ASH2L: variants seen among roughly 807,000 people sequenced by gnomAD.
The protein encoded by ASH2L is ASH2 like, histone lysine methyltransferase complex subunit, also known as set1/Ash2 histone methyltransferase complex subunit ASH2.
Under a neutral mutation model 81.1 loss-of-function variants are expected in ASH2L, and 30 were observed. The observed-to-expected ratio is 0.37, with a 90% CI of 0.28 to 0.50. ASH2L has a LOEUF of 0.50. Ranked by LOEUF, ASH2L falls within the 20% of genes least tolerant of loss-of-function variation. The pLI is 0.95. For synonymous variants in ASH2L, 273 were observed against 279.9 expected (o/e 0.98, Z 0.24); for missense variants, 559 against 792.1 (o/e 0.71, Z 3.53).
chr8:38,122,120 A>T (rs1297937342), intron 10 of ASH2L, among the ~76,000 whole-genome samples: 1 of 152,106 alleles, frequency 6.6e-6, no homozygotes. Flanking sequence ...ACTTTATTTC[A>T]GGGAGTATAA....
At chr8:38,130,099 T>C (rs1219507909) in intron 12 of ASH2L, among the ~76,000 whole-genome samples, 1 of 152,190 alleles carries the variant, frequency 6.6e-6, no homozygotes, top group Non-Finnish European at 1.5e-5. Context: ...CATTGTGAGT[T>C]AAATTAGCAT....
In ASH2L at chr8:38,107,010, C is replaced by T; in HGVS notation, c.256-11C>T. The T allele has an allele frequency of 1.9e-6, 3 of 1,613,798 alleles. No individual in the cohort carries two copies. Among genetic ancestry groups the T allele is most frequent in the Non-Finnish European group, 2.5e-6 (3 of 1,179,864 alleles). On this transcript the variant is annotated splice_polypyrimidine_tract_variant and intron_variant, in intron 2 of 15. Coordinates refer to ENST00000343823, the MANE Select transcript of ASH2L (RefSeq NM_004674.5). Reference sequence around the variant, plus strand: ...GTCAACTGATTTGAGTCTCGAACTGCTCTGACACAGGAAGGTGCTGGGGAT... The same window carrying T: ...GTCAACTGATTTGAGTCTCGAACTGTTCTGACACAGGAAGGTGCTGGGGAT...
At chr8:38,114,128 T>C in intron 5 of ASH2L, 64 bp from the exon 6 acceptor site, 1 of 1,028,188 alleles carries the variant, frequency 9.7e-7, no homozygotes, top group Non-Finnish European at 1.4e-6. Flanking sequence ...AAATGCTGTT[T>C]TCTTTCTTTG....
At chr8:38,123,850 G>GT (rs1801729026) in intron 10 of ASH2L, among the ~76,000 whole-genome samples, 1 of 151,954 alleles carries the variant, frequency 6.6e-6, no homozygotes, top group Non-Finnish European at 1.5e-5. Context: ...TTGTTTGTCT[G>GT]TTTCTGTGTT....
chr8:38,118,442 A>G (rs975690849), intron 8 of ASH2L, among the ~76,000 whole-genome samples: 2 of 152,242 alleles, frequency 1.3e-5, no homozygotes, highest in African/African-American at 4.8e-5. Context: ...TACACAAGGT[A>G]ATCTTCCTTG....
At position 38,133,299 on chromosome 8, in the gene ASH2L, G is replaced by GT. The variant is rs1310214799; in HGVS notation, c.1528-154dup. ...CCATCTGGTATTTTTTAAGAAGTGT[G>GT]TAATAGTTCAAAATCTAGCAAAACT... On this transcript the variant is annotated intron_variant, in intron 12 of 15. Coordinates refer to ENST00000343823, the MANE Select transcript of ASH2L (RefSeq NM_004674.5). Among the ~76,000 whole-genome samples, 7 of 152,272 alleles carry GT rather than the reference G, an allele frequency of 4.6e-5. No homozygotes were observed. The East Asian group carries it at 1.3e-3, about 29-fold the overall frequency.
chr8:38,119,635 A>G (rs1162643861), intron 9 of ASH2L, among the ~76,000 whole-genome samples: 1 of 151,880 alleles, frequency 6.6e-6, no homozygotes, highest in African/African-American at 2.4e-5. Context: ...GCGAAACCCC[A>G]TCTCCACTAA....
intron 3 of ASH2L, among the ~76,000 whole-genome samples, chr8:38,107,772 T>C (rs1000574623): frequency 6.6e-6 from 1 of 152,192 alleles, no homozygotes; most frequent in South Asian, 2.1e-4. Context: ...TTATGGTTTG[T>C]ATTATGCTAA....
chr8:38,129,168 T>C (rs144355669), intron 12 of ASH2L, among the ~76,000 whole-genome samples: 1 of 152,290 alleles, frequency 6.6e-6, no homozygotes, highest in Non-Finnish European at 1.5e-5. Flanking sequence ...TTTAGTGCAC[T>C]ACAGAGAAAA....
chr8:38,115,440 A>G (rs998947602), intron 7 of ASH2L, among the ~76,000 whole-genome samples: 3 of 152,232 alleles, frequency 2.0e-5, no homozygotes, highest in African/African-American at 7.2e-5. Context: ...AGCAGGGTTC[A>G]CATTTGGCAA....
intron 5 of ASH2L, among the ~76,000 whole-genome samples, chr8:38,112,227 G>A (rs1395188474): frequency 6.6e-6 from 1 of 152,080 alleles, no homozygotes; most frequent in Non-Finnish European, 1.5e-5. Context: ...TCGACCTCCT[G>A]GGTTCAAGTG....
intron 7 of ASH2L, among the ~76,000 whole-genome samples, chr8:38,115,973 TC>T (rs919274517): frequency 2.0e-5 from 3 of 152,190 alleles, no homozygotes; most frequent in Non-Finnish European, 4.4e-5. Context: ...ACGCCTGTAA[TC>T]CCAGCACTTT....
chr8:38,128,511 C>T, intron 11 of ASH2L, 53 bp downstream of exon 11: 1 of 1,588,842 alleles, frequency 6.3e-7, no homozygotes, highest in Non-Finnish European at 8.5e-7. Flanking sequence ...GATAGACCAT[C>T]TGGCCAAGGG....
At chr8:38,110,998 G>A (rs60055729) in intron 5 of ASH2L, among the ~76,000 whole-genome samples, 165 bp downstream of exon 5, 4,264 of 152,126 alleles carry the variant, frequency 0.028, 260 homozygotes, top group East Asian at 0.24. Flanking sequence ...GCAGTGATGC[G>A]ATCTCAGCTC....
intron 2 of ASH2L, 73 bp downstream of exon 2, chr8:38,106,517 T>C: frequency 7.3e-7 from 1 of 1,375,502 alleles, no homozygotes; most frequent in African/African-American, 1.5e-5. Context: ...TTTTTTTTTT[T>C]TTTTTGTTGC....
At chr8:38,108,044 C>T (rs1333037537) in intron 3 of ASH2L, among the ~76,000 whole-genome samples, 3 of 152,094 alleles carry the variant, frequency 2.0e-5, no homozygotes, top group Non-Finnish European at 4.4e-5. Flanking sequence ...AAGGGATCCT[C>T]CTGCCTCACC....
intron 14 of ASH2L, among the ~76,000 whole-genome samples, chr8:38,136,251 G>A (rs1802251861): frequency 6.6e-6 from 1 of 150,586 alleles, no homozygotes. Context: ...TTTTGTTTTT[G>A]TAGAGGCAGG....
At chr8:38,133,798 C>T (rs1010442185) in intron 13 of ASH2L, among the ~76,000 whole-genome samples, 6 of 152,082 alleles carry the variant, frequency 3.9e-5, no homozygotes, top group African/African-American at 1.2e-4. Flanking sequence ...AAAATAGTGG[C>T]CTGCACCACC....
intron 7 of ASH2L, among the ~76,000 whole-genome samples, chr8:38,115,926 T>C (rs1388820964): frequency 6.6e-6 from 1 of 152,104 alleles, no homozygotes; most frequent in East Asian, 1.9e-4. Context: ...AGCTTCATTG[T>C]TTAGAATTGT....
Sources: gnomAD v4.1 joint callset for allele counts (sites outside exome capture counted in the v4.1 genomes callset) on GRCh38, gnomAD v4.1.1 for gene constraint, MANE v1.5 for transcripts, NCBI Gene and HGNC (gene_info 2026-07-23, HGNC 2026-07-21) for gene names.